CNOT1: variants seen among roughly 807,000 people sequenced by gnomAD.
CNOT1 encodes CCR4-NOT transcription complex subunit 1.
In CNOT1, 15 loss-of-function variants were observed where a neutral mutation model predicts 273.8. The observed-to-expected ratio is 0.05, with a 90% CI of 0.04 to 0.08. The LOEUF is 0.08. CNOT1 is among the 10% of genes least tolerant of loss of function. CNOT1 has a pLI of 1.00. For missense variants in CNOT1, 1,644 were observed against 2,912.2 expected (o/e 0.56, Z 10.02); for synonymous variants, 1,022 against 1,005.5 (o/e 1.02, Z -0.31).
At position 58,574,661 on chromosome 16, in the gene CNOT1, G is replaced by A; in HGVS notation, c.1927C>T (p.Leu643Phe). 1 of 1,607,740 alleles carries A rather than the reference G, an allele frequency of 6.2e-7. No individual in the cohort carries two copies. Among genetic ancestry groups the A allele is most frequent in the East Asian group, 2.2e-5 (1 of 44,856 alleles). Residue 643 changes from leucine to phenylalanine, a missense_variant, in exon 16 of 49, where the codon CTT becomes TTT. Physicochemically the swap from Leu to Phe is conservative, Grantham distance 22. Coordinates refer to ENST00000317147, the MANE Select transcript of CNOT1 (RefSeq NM_016284.5). ...PEKDQPKSAQ[L>F]PPETLATMLA... is the part of the protein sequence containing the mutation. ...ATTGTCGCCAAAGTTTCTGGAGGAA[G>A]TTGAGCACTTTTGGGCTGGTCTTTT... is the stretch of plus-strand genomic sequence containing the variant.
At chr16:58,605,952 A>G (rs1293714587) in intron 1 of CNOT1, among the ~76,000 whole-genome samples, 2 of 152,102 alleles carry the variant, frequency 1.3e-5, no homozygotes, top group Non-Finnish European at 2.9e-5. Flanking sequence ...CACGGTACCC[A>G]GCCAAATTAC....
chr16:58,626,083 G>A (rs1318037814), intron 1 of CNOT1, among the ~76,000 whole-genome samples: 1 of 152,130 alleles, frequency 6.6e-6, no homozygotes, highest in Non-Finnish European at 1.5e-5. Flanking sequence ...TAATATATAT[G>A]ACTTGAAAGT....
chr16:58,620,635 C>T (rs935707625), intron 1 of CNOT1, among the ~76,000 whole-genome samples: 1 of 123,180 alleles, frequency 8.1e-6, no homozygotes. Flanking sequence ...GGTGACACAG[C>T]GAAGACTCTG....
chr16:58,574,792 A>G lies in CNOT1; in HGVS notation c.1828-32T>C, dbSNP rs774417745. The G allele has an allele frequency of 1.8e-5, 29 of 1,581,022 alleles. No individual in the cohort carries two copies. The Admixed American group carries it at 6.2e-4, about 34-fold the overall frequency. On this transcript the variant is annotated intron_variant, in intron 15 of 48. Coordinates refer to ENST00000317147, the MANE Select transcript of CNOT1 (RefSeq NM_016284.5). ...AATAGAAAAGTCTCTCAGTGTATTT[A>G]AAATTGATCTTAAATGTTTTTGGAT...
intron 31 of CNOT1, chr16:58,543,243 A>G: frequency 1.3e-6 from 2 of 1,541,144 alleles, no homozygotes; most frequent in East Asian, 2.5e-5. Flanking sequence ...CACATGCAAC[A>G]TCACTTTAAG....
chr16:58,535,438 A>C (rs2039896367), intron 39 of CNOT1, among the ~76,000 whole-genome samples: 1 of 152,252 alleles, frequency 6.6e-6, no homozygotes, highest in African/African-American at 2.4e-5. Flanking sequence ...GATACAAAAC[A>C]GCACAGAAAA....
chr16:58,531,879 T>C (rs770095338), intron 42 of CNOT1, 79 bp downstream of exon 42: 75 of 1,503,084 alleles, frequency 5.0e-5, no homozygotes, highest in South Asian at 1.7e-4. Context: ...AAATGACTAA[T>C]AGAAATCTAT....
chr16:58,523,666 T>C, intron 46 of CNOT1, 164 bp from the exon 47 acceptor site: 1 of 528,304 alleles, frequency 1.9e-6, no homozygotes, highest in Non-Finnish European at 3.3e-6. Context: ...TCTGTGCGTT[T>C]TATTTCAGAA....
intron 1 of CNOT1, among the ~76,000 whole-genome samples, chr16:58,603,407 A>ATGTGTGTGTGTG (rs2042543737): frequency 6.3e-5 from 8 of 126,292 alleles, no homozygotes; most frequent in Admixed American, 8.1e-5. Context: ...TACAATTTAA[A>ATGTGTGTGTGTG]AGTGTGTGTG....
At position 58,620,653 on chromosome 16, in the gene CNOT1, TAAAAAA is replaced by T. The variant is rs200053031; in HGVS notation, c.-175+9069_-175+9074del. ...GACACAGCGAAGACTCTGTCTCATTTAAAAAAAAAAAAAAAAAAAAAAAAGAGGACA... is the reference window on the plus strand; with the variant it reads ...GACACAGCGAAGACTCTGTCTCATTTAAAAAAAAAAAAAAAAAAGAGGACA... On this transcript the variant is annotated intron_variant, in intron 1 of 48. Transcript: ENST00000317147. Among the ~76,000 whole-genome samples, 901 of 106,842 alleles carry T rather than the reference TAAAAAA, an allele frequency of 8.4e-3. 26 individuals are homozygous for T. The highest frequency in any genetic ancestry group is 0.036 in the Admixed American group (341 of 9,596). 70.1% of individuals were successfully genotyped at this position (106,842 alleles called of 152,430 possible).
intron 1 of CNOT1, among the ~76,000 whole-genome samples, chr16:58,607,595 A>G (rs565534910): frequency 6.6e-6 from 1 of 151,882 alleles, no homozygotes; most frequent in Non-Finnish European, 1.5e-5. Flanking sequence ...ACCTAGTGGC[A>G]TATGCTTGTA....
chr16:58,539,672 T>A, intron 35 of CNOT1, 96 bp downstream of exon 35: 1 of 1,228,134 alleles, frequency 8.1e-7, no homozygotes, highest in East Asian at 2.5e-5. Flanking sequence ...TATTATGAAA[T>A]CTTAAGCATA....
At chr16:58,542,080 C>T in intron 33 of CNOT1, 151 bp downstream of exon 33, 1 of 951,310 alleles carries the variant, frequency 1.1e-6, no homozygotes, top group Non-Finnish European at 1.5e-6. Context: ...CCTCCACAGG[C>T]AGCCATTCAG....
chr16:58,595,121 A>C (rs1327730228), intron 2 of CNOT1, among the ~76,000 whole-genome samples: 1 of 152,060 alleles, frequency 6.6e-6, no homozygotes, highest in Non-Finnish European at 1.5e-5. Context: ...CAAAAAAAAA[A>C]ACAAAAAAGG....
chr16:58,555,351 GTGC>G lies in CNOT1; in HGVS notation c.2788_2790del (p.Ala930del). Reference sequence around the variant, plus strand: ...AGAACATATCGTAGAGCCAGACCTAGTGCCATGTAAGTGACCAGTCCTTTCTCA... The same window carrying G: ...AGAACATATCGTAGAGCCAGACCTAGCATGTAAGTGACCAGTCCTTTCTCA... On this transcript the variant is annotated inframe_deletion, in exon 21 of 49. Transcript: ENST00000317147. 1 of 1,614,216 alleles carries G rather than the reference GTGC, an allele frequency of 6.2e-7. No homozygotes were observed. The highest frequency in any genetic ancestry group is 8.5e-7 in the Non-Finnish European group (1 of 1,180,036).
chr16:58,543,125 A>C (rs1209992784), intron 31 of CNOT1: 1 of 1,298,732 alleles, frequency 7.7e-7, no homozygotes, highest in Non-Finnish European at 9.8e-7. Context: ...AAAAACAACC[A>C]AAAAAAATCA....
chr16:58,554,440 G>A (rs1271278094), intron 21 of CNOT1, among the ~76,000 whole-genome samples: 3 of 152,158 alleles, frequency 2.0e-5, no homozygotes, highest in African/African-American at 4.8e-5. Context: ...ACTGTGGGAG[G>A]CAGGAAGATC....
chr16:58,591,291 T>C (rs1262520672), intron 2 of CNOT1, among the ~76,000 whole-genome samples: 1 of 152,172 alleles, frequency 6.6e-6, no homozygotes, highest in Non-Finnish European at 1.5e-5. Context: ...ACACAGTCAA[T>C]GGCCAAAGAA....
intron 13 of CNOT1, among the ~76,000 whole-genome samples, chr16:58,577,033 C>T (rs184804047): frequency 3.3e-5 from 5 of 152,088 alleles, no homozygotes; most frequent in Admixed American, 1.3e-4. Flanking sequence ...GGCGCCTGTA[C>T]ACACATTCTA....
Sources: allele counts gnomAD v4.1 joint callset (sites outside exome capture counted in the v4.1 genomes callset), GRCh38; gene constraint gnomAD v4.1.1; transcripts MANE v1.5; gene names NCBI Gene and HGNC (gene_info 2026-07-23, HGNC 2026-07-21).